The following VPS13D variants were observed in gnomAD, a reference collection of about 807,000 sequenced individuals.
VPS13D encodes intermembrane lipid transfer protein VPS13D.
Under a neutral mutation model 461.9 loss-of-function variants are expected in VPS13D, and 187 were observed. The observed-to-expected ratio is 0.40, with a 90% CI of 0.36 to 0.46. VPS13D has a LOEUF of 0.46. Ranked by LOEUF, VPS13D falls within the 20% of genes least tolerant of loss-of-function variation. The pLI is 0.60. For missense variants in VPS13D, 4,711 were observed against 5,364.9 expected (o/e 0.88, Z 3.81); for synonymous variants, 1,951 against 1,986.3 (o/e 0.98, Z 0.47).
chr1:12,431,481 G>A (rs1347090760), intron 65 of VPS13D, among the ~76,000 whole-genome samples: 1 of 150,460 alleles, frequency 6.6e-6, no homozygotes, highest in East Asian at 1.9e-4. Context: ...AGACTGGGCC[G>A]GCAGCTTGTG....
chr1:12,470,114 T>G (rs927419002), intron 67 of VPS13D, among the ~76,000 whole-genome samples: 4 of 152,224 alleles, frequency 2.6e-5, no homozygotes, highest in African/African-American at 9.6e-5. Context: ...TCCCCAAACA[T>G]ACTTCAAACA....
At chr1:12,335,486 C>T (rs1226009653) in intron 38 of VPS13D, among the ~76,000 whole-genome samples, 1 of 152,148 alleles carries the variant, frequency 6.6e-6, no homozygotes, top group African/African-American at 2.4e-5. Flanking sequence ...TAATGTCTTT[C>T]ACATTATGAT....
chr1:12,252,832 A>C (rs1023731589), intron 6 of VPS13D, among the ~76,000 whole-genome samples: 1 of 151,210 alleles, frequency 6.6e-6, no homozygotes, highest in African/African-American at 2.4e-5. Flanking sequence ...ACAAACAATA[A>C]AAAGAAAAAT....
chr1:12,424,477 G>C (rs943636299), intron 65 of VPS13D, among the ~76,000 whole-genome samples: 1 of 152,166 alleles, frequency 6.6e-6, no homozygotes, highest in Non-Finnish European at 1.5e-5. Context: ...GTGGGGGCCG[G>C]GGTAGAGTGG....
intron 68 of VPS13D, chr1:12,499,329 A>G (rs1646004445): frequency 2.7e-6 from 1 of 375,710 alleles, no homozygotes; most frequent in Non-Finnish European, 3.7e-6. Context: ...ATTTGTGTTC[A>G]CATGCGTCCA....
In VPS13D at chr1:12,497,510, C is replaced by T; in HGVS notation, c.12673C>T (p.Gln4225Ter). 1 of 1,613,902 alleles carries T rather than the reference C, an allele frequency of 6.2e-7. No homozygotes were observed. ...ATLSGPRTQA[Q>*]RVRKPRCCTG... ...CATTTACCCATCTAGGACTCAAGCA[C>T]AGAGGGTTCGGAAACCGCGTTGCTG... The change falls in exon 68 of 70, where the codon CAG becomes TAG. Residue 4225 changes from glutamine (Q) to a stop codon, truncating the protein, a stop_gained. Transcript: ENST00000620676. LOFTEE classifies it high-confidence loss of function.
chr1:12,306,004 G>A (rs1642552796), intron 26 of VPS13D, among the ~76,000 whole-genome samples: 1 of 151,110 alleles, frequency 6.6e-6, no homozygotes, highest in Non-Finnish European at 1.5e-5. Flanking sequence ...ATTTTTTTGA[G>A]ATGGAGTCTC....
chr1:12,327,920 C>A (rs61774900), intron 36 of VPS13D, 66 bp downstream of exon 36: 3 of 1,481,472 alleles, frequency 2.0e-6, no homozygotes, highest in Admixed American at 2.3e-5. Flanking sequence ...TTATTTGGGG[C>A]CTTTTTTTTT....
intron 65 of VPS13D, among the ~76,000 whole-genome samples, chr1:12,419,762 G>A (rs1208533148): frequency 6.6e-6 from 1 of 152,084 alleles, no homozygotes; most frequent in Admixed American, 6.6e-5. Flanking sequence ...AGATTTGAGG[G>A]ACAAACACCA....
chr1:12,464,130 G>A (rs1216353774), intron 67 of VPS13D, among the ~76,000 whole-genome samples: 1 of 152,182 alleles, frequency 6.6e-6, no homozygotes, highest in African/African-American at 2.4e-5. Context: ...AATCACCCTG[G>A]TTTCTTGGAA....
intron 20 of VPS13D, among the ~76,000 whole-genome samples, chr1:12,281,314 T>A (rs1023269414): frequency 2.0e-5 from 3 of 152,208 alleles, no homozygotes; most frequent in African/African-American, 7.2e-5. Context: ...TACAGACAAT[T>A]GGAAGCATTG....
chr1:12,501,463 G>A (rs1437961337), intron 68 of VPS13D, among the ~76,000 whole-genome samples: 1 of 152,206 alleles, frequency 6.6e-6, no homozygotes, highest in East Asian at 1.9e-4. Flanking sequence ...CAGCTACTCT[G>A]ATAAAGTTAA....
Position 12,445,665 on chromosome 1 carries a change from G to A in VPS13D, c.12334-10333G>A, listed in dbSNP as rs77767714. Among the ~76,000 whole-genome samples the A allele has an allele frequency of 7.2e-5, 11 of 152,276 alleles. No homozygotes were observed. In the East Asian group the frequency reaches 1.5e-3, roughly 21 times the overall value. ...GGAACTGTTGGGAAGTAGCTAAGCT[G>A]CAAGTTTATTCCTATTTTAGCCCAT... On this transcript the variant is annotated intron_variant, in intron 65 of 69. Coordinates refer to ENST00000620676, the MANE Select transcript of VPS13D (RefSeq NM_015378.4).
At chr1:12,470,533 C>T (rs1473364873) in intron 67 of VPS13D, among the ~76,000 whole-genome samples, 1 of 152,172 alleles carries the variant, frequency 6.6e-6, no homozygotes, top group Non-Finnish European at 1.5e-5. Context: ...TATTCAGATC[C>T]ATCACTTAGT....
In VPS13D at chr1:12,277,824, G is replaced by A. The variant is rs188050341; in HGVS notation, c.4236G>A (p.Ala1412=). The change falls in exon 19 of 70, where the codon GCG becomes GCA. Residue 1412 remains alanine (A), a synonymous_variant. Transcript: ENST00000620676. The part of the protein sequence containing the change: ...LGQIFIQNFV[A]GDDESRSDRL... ...AGATATTCATCCAGAATTTTGTGGCGGGAGATGATGAATCCAGAAGTGACC... is the reference window on the plus strand; with the variant it reads ...AGATATTCATCCAGAATTTTGTGGCAGGAGATGATGAATCCAGAAGTGACC... The A allele has an allele frequency of 9.7e-5, 157 of 1,614,060 alleles. 2 individuals carry two copies. The East Asian group carries it at 3.0e-3, about 31-fold the overall frequency.
chr1:12,320,093 T>C (rs1418951399), intron 32 of VPS13D, among the ~76,000 whole-genome samples: 1 of 152,230 alleles, frequency 6.6e-6, no homozygotes, highest in Non-Finnish European at 1.5e-5. Flanking sequence ...TATGTTATCC[T>C]TTCAGGAATA....
rs1642633949 is a variant in VPS13D, at chr1:12,308,494, CAG to C, written c.6509_6510del (p.Arg2170ThrfsTer12). The C allele has an allele frequency of 6.2e-7, 1 of 1,613,960 alleles. No homozygotes were observed. Among genetic ancestry groups the C allele is most frequent in the Non-Finnish European group, 8.5e-7 (1 of 1,180,034 alleles). On this transcript the variant is annotated frameshift_variant, in exon 27 of 70. Transcript: ENST00000620676. LOFTEE classifies it high-confidence loss of function. Reference sequence around the variant, plus strand: ...CTCCAGGACATGGACATCTTTGCTGCAGAGAGACATCCGAGAGAATACTCGAA... The same window carrying C: ...CTCCAGGACATGGACATCTTTGCTGCAGAGACATCCGAGAGAATACTCGAA...
chr1:12,262,131 A>G lies in VPS13D; in HGVS notation c.1594+51A>G, dbSNP rs531338080. Reference sequence around the variant, plus strand: ...GCCACTGTTGTCTCTCTGTGGGCCAATGTCCAGGCGATTCTCATTATTTGC... The same window carrying G: ...GCCACTGTTGTCTCTCTGTGGGCCAGTGTCCAGGCGATTCTCATTATTTGC... On this transcript the variant is annotated intron_variant, in intron 13 of 69. Coordinates refer to ENST00000620676, the MANE Select transcript of VPS13D (RefSeq NM_015378.4). 30 of 1,554,622 alleles carry G rather than the reference A, an allele frequency of 1.9e-5. No homozygotes were observed. In the East Asian group the frequency reaches 2.9e-4, roughly 15 times the overall value.
In VPS13D at chr1:12,403,951, A is replaced by G. The variant is rs751542293; in HGVS notation, c.12008A>G (p.Asn4003Ser). The G allele has an allele frequency of 1.9e-6, 3 of 1,603,008 alleles. No homozygotes were observed. The highest frequency in any genetic ancestry group is 1.1e-5 in the South Asian group (1 of 87,682). ...ATCAAGCTAAGTGTGTTCACCTCCA[A>G]CAAGCTCCCATTGGATCTTAAGGTG... ...PQIKLSVFTS[N>S]KLPLDLKALK... The change falls in exon 63 of 70, where the codon AAC (asparagine) becomes AGC (serine). Residue 4003 changes from asparagine to serine, a missense_variant. Physicochemically the swap from Asn to Ser is conservative, Grantham distance 46. Around this residue, in one of 3 missense-constraint regions of VPS13D, gnomAD observed 4,411 missense variants for 4,937.8 expected, o/e 0.89. Transcript: ENST00000620676.
Sources: gnomAD v4.1 joint callset for allele counts (sites outside exome capture counted in the v4.1 genomes callset) on GRCh38, gnomAD v4.1.1 for gene constraint, gnomAD v4.1.1 regional missense constraint, MANE v1.5 for transcripts, NCBI Gene and HGNC (gene_info 2026-07-23, HGNC 2026-07-21) for gene names.